Variants in GYPC observed in about 807,000 individuals in gnomAD.
GYPC encodes glycophorin-C.
In GYPC, 14 loss-of-function variants were observed where a neutral mutation model predicts 12.6. The ratio of observed to expected loss-of-function variants is 1.11; its 90% CI spans 0.74 to 1.74. The LOEUF (loss-of-function observed/expected upper bound fraction) is 1.74, where lower values mean the gene tolerates loss of function less well. GYPC is among the 40% of genes most tolerant of loss of function. The probability of loss-of-function intolerance (pLI) is 0.00; values close to 1 mark genes in which losing one functional copy is unlikely to be tolerated. For synonymous variants in GYPC, 78 were observed against 62.1 expected (o/e 1.26, Z -1.20); for missense variants, 225 against 172.1 (o/e 1.31, Z -1.72).
At chr2:126,659,459 C>T (rs1682469717) in intron 1 of GYPC, among the ~76,000 whole-genome samples, 1 of 152,292 alleles carries the variant, frequency 6.6e-6, no homozygotes, top group South Asian at 2.1e-4. Flanking sequence ...GAGGAAATAC[C>T]TCAGCACCTC....
chr2:126,665,585 T>A (rs1682656814), intron 1 of GYPC, among the ~76,000 whole-genome samples: 1 of 152,118 alleles, frequency 6.6e-6, no homozygotes, highest in African/African-American at 2.4e-5. Context: ...GAGGCCACCC[T>A]GTGAGGGGCC....
intron 1 of GYPC, among the ~76,000 whole-genome samples, chr2:126,685,142 C>A (rs143327795): frequency 3.3e-5 from 5 of 152,194 alleles, no homozygotes; most frequent in African/African-American, 1.2e-4. Context: ...ACGCATTTGA[C>A]CTTTCCTACC....
At chr2:126,674,100 T>C (rs945058711) in intron 1 of GYPC, among the ~76,000 whole-genome samples, 3 of 152,094 alleles carry the variant, frequency 2.0e-5, no homozygotes, top group South Asian at 2.1e-4. Context: ...TGCCTGGGCA[T>C]TGTATTATAA....
At chr2:126,663,464 A>G (rs1682595513) in intron 1 of GYPC, among the ~76,000 whole-genome samples, 1 of 152,082 alleles carries the variant, frequency 6.6e-6, no homozygotes, top group Non-Finnish European at 1.5e-5. Context: ...CCGGAGCTCC[A>G]TTTCCTCACA....
chr2:126,674,053 G>C (rs570716426), intron 1 of GYPC, among the ~76,000 whole-genome samples: 38 of 152,206 alleles, frequency 2.5e-4, no homozygotes, highest in Non-Finnish European at 4.8e-4. Context: ...ACAAAGCCCG[G>C]ACTCACAGGC....
intron 1 of GYPC, among the ~76,000 whole-genome samples, chr2:126,675,257 A>C (rs1366870644): frequency 6.6e-6 from 1 of 152,232 alleles, no homozygotes; most frequent in African/African-American, 2.4e-5. Flanking sequence ...AATGAACAGA[A>C]ATCTATTTTG....
chr2:126,656,217 C>A lies in GYPC; in HGVS notation c.-47C>A. 1.9e-6 allele frequency: 3 copies of A among 1,571,068 alleles called. No homozygotes were observed. Among genetic ancestry groups the A allele is most frequent in the East Asian group, 2.4e-5 (1 of 41,890 alleles). On this transcript the variant is annotated 5_prime_UTR_variant, in exon 1 of 4. Transcript: ENST00000259254. Reference sequence around the variant, plus strand: ...CGACCCTCCCCCGGCCCGGCCTGGCCCGGCCTGGCCAGTCCCCGCGGTCTC... The same window carrying A: ...CGACCCTCCCCCGGCCCGGCCTGGCACGGCCTGGCCAGTCCCCGCGGTCTC...
In GYPC at chr2:126,695,921, C is replaced by T. The variant is rs149391424; in HGVS notation, c.191-25C>T. 2.4e-4 allele frequency: 382 copies of T among 1,605,662 alleles called. 1 individual carries two copies. In the African/African-American group the frequency reaches 4.6e-3, roughly 19 times the overall value. On this transcript the variant is annotated intron_variant, in intron 3 of 3. Transcript: ENST00000259254. Reference sequence around the variant, plus strand: ...CCCCAGAGCCCCTGCCTCAGACTGACCCTTGCACCTCTTCCCACCTGCAGG... The same window carrying T: ...CCCCAGAGCCCCTGCCTCAGACTGATCCTTGCACCTCTTCCCACCTGCAGG...
rs115178969 is a variant in GYPC at position 126,696,003 on chromosome 2, A to G, written c.248A>G (p.Tyr83Cys). Residue 83 changes from tyrosine to cysteine, a missense_variant, in exon 4 of 4, where the codon TAC (tyrosine) becomes TGC (cysteine). By Grantham distance (194) the Tyr-to-Cys change is radical. Coordinates refer to ENST00000259254, the MANE Select transcript of GYPC (RefSeq NM_002101.5). ...LVSLLFVMLR[Y>C]MYRHKGTYHT... Reference sequence around the variant, plus strand: ...TCCCTCCTCTTCGTCATGCTGCGCTACATGTACCGGCACAAGGGCACGTAC... The same window carrying G: ...TCCCTCCTCTTCGTCATGCTGCGCTGCATGTACCGGCACAAGGGCACGTAC... 1,106 of 1,614,140 alleles carry G rather than the reference A, an allele frequency of 6.9e-4. 8 individuals are homozygous for G. In the African/African-American group the frequency reaches 0.014, roughly 20 times the overall value.
At chr2:126,684,816 C>G (rs1178358222) in intron 1 of GYPC, among the ~76,000 whole-genome samples, 2 of 152,196 alleles carry the variant, frequency 1.3e-5, no homozygotes, top group Non-Finnish European at 2.9e-5. Context: ...TGTGTCTCCA[C>G]AAGTCTCCCT....
intron 2 of GYPC, among the ~76,000 whole-genome samples, chr2:126,690,802 C>T (rs1291113695): frequency 6.6e-6 from 1 of 152,174 alleles, no homozygotes; most frequent in Non-Finnish European, 1.5e-5. Context: ...GAACCCTGAG[C>T]AACGGGCTCC....
At chr2:126,672,583 G>A (rs1445133728) in intron 1 of GYPC, among the ~76,000 whole-genome samples, 1 of 152,170 alleles carries the variant, frequency 6.6e-6, no homozygotes, top group Non-Finnish European at 1.5e-5. Context: ...AGGACCCTTA[G>A]GGAGCAGGGA....
chr2:126,689,062 A>G (rs1053593498), intron 1 of GYPC, among the ~76,000 whole-genome samples: 34 of 152,232 alleles, frequency 2.2e-4, no homozygotes, highest in African/African-American at 7.7e-4. Flanking sequence ...TGTCCTAGAC[A>G]TCCTACCCTC....
chr2:126,680,756 A>T (rs1405407216), intron 1 of GYPC, among the ~76,000 whole-genome samples: 1 of 152,224 alleles, frequency 6.6e-6, no homozygotes, highest in East Asian at 1.9e-4. Context: ...CACAACATGC[A>T]TGTCTTTCTT....
At chr2:126,669,103 GC>G (rs1682767584) in intron 1 of GYPC, among the ~76,000 whole-genome samples, 1 of 152,202 alleles carries the variant, frequency 6.6e-6, no homozygotes, top group Non-Finnish European at 1.5e-5. Flanking sequence ...CATAGTCGCA[GC>G]TTGTTGAATT....
chr2:126,669,801 CTTATTA>C (rs143767961), intron 1 of GYPC, among the ~76,000 whole-genome samples: 3 of 151,928 alleles, frequency 2.0e-5, no homozygotes, highest in Non-Finnish European at 4.4e-5. Flanking sequence ...ACTTCTGAGC[CTTATTA>C]TTATTATTTC....
rs1530148 is a variant in GYPC, at chr2:126,695,810, C to T, written c.191-136C>T. On this transcript the variant is annotated intron_variant, in intron 3 of 3. Coordinates refer to ENST00000259254, the MANE Select transcript of GYPC (RefSeq NM_002101.5). ...TATGGGCTTACAGGAACCTGGCTCCCATCATAAATCAAGGAGCATCTCTTT... is the reference window on the plus strand; with the variant it reads ...TATGGGCTTACAGGAACCTGGCTCCTATCATAAATCAAGGAGCATCTCTTT... The T allele has an allele frequency of 0.24, 177,441 of 745,320 alleles. 23,247 individuals carry two copies. Among genetic ancestry groups the T allele is most frequent in the African/African-American group, 0.41 (23,799 of 58,452 alleles). 46.2% of individuals were successfully genotyped at this position (745,320 alleles called of 1,614,324 possible). A position where few individuals can be genotyped will look rare whatever the true frequency, so the allele number is the denominator to read the frequency against.
intron 1 of GYPC, among the ~76,000 whole-genome samples, chr2:126,677,427 G>A (rs951193490): frequency 6.9e-6 from 1 of 144,194 alleles, no homozygotes; most frequent in African/African-American, 2.6e-5. Flanking sequence ...GTGAGAGAAT[G>A]TGAGAGAGTA....
intron 1 of GYPC, among the ~76,000 whole-genome samples, chr2:126,684,483 G>C (rs1016175680): frequency 6.6e-6 from 1 of 151,990 alleles, no homozygotes; most frequent in Non-Finnish European, 1.5e-5. Context: ...CCACCACCAT[G>C]CCCACTACCA....
Sources: gnomAD v4.1 joint callset for allele counts (sites outside exome capture counted in the v4.1 genomes callset) on GRCh38, gnomAD v4.1.1 for gene constraint, MANE v1.5 for transcripts, NCBI Gene and HGNC (gene_info 2026-07-23, HGNC 2026-07-21) for gene names.